The following WWOX variants were observed in gnomAD, a reference collection of about 807,000 sequenced individuals.
The protein encoded by WWOX is WW domain-containing oxidoreductase.
In WWOX, 69 loss-of-function variants were observed where a neutral mutation model predicts 46.2. The observed-to-expected ratio is 1.49, with a 90% CI of 1.23 to 1.82. WWOX has a LOEUF of 1.82. Ranked by LOEUF, WWOX falls within the 40% of genes most tolerant of loss-of-function variation. The probability of loss-of-function intolerance (pLI) is 0.00; values close to 1 mark genes in which losing one functional copy is unlikely to be tolerated. For missense variants in WWOX, 919 were observed against 542.6 expected, an observed-to-expected ratio of 1.69 and a Z score of -6.89; for synonymous variants, 359 against 202.6, an observed-to-expected ratio of 1.77 and a Z score of -6.56.
intron 8 of WWOX, among the ~76,000 whole-genome samples, chr16:78,626,703 G>C (rs2046319694): frequency 1.3e-5 from 2 of 151,974 alleles, no homozygotes; most frequent in African/African-American, 2.4e-5. Flanking sequence ...TGTGGAGTGG[G>C]GATTTAATGT....
intron 8 of WWOX, among the ~76,000 whole-genome samples, chr16:78,590,105 A>G (rs1412152914): frequency 2.0e-5 from 3 of 152,092 alleles, no homozygotes; most frequent in East Asian, 1.9e-4. Context: ...CATATAGGAT[A>G]GGAAAATAGC....
At chr16:78,686,989 T>C (rs1363543169) in intron 8 of WWOX, among the ~76,000 whole-genome samples, 5 of 152,186 alleles carry the variant, frequency 3.3e-5, no homozygotes, top group Non-Finnish European at 7.3e-5. Flanking sequence ...GATCTATATC[T>C]CAGTTTTCCT....
intron 8 of WWOX, among the ~76,000 whole-genome samples, chr16:78,460,725 C>G (rs1044108200): frequency 6.6e-6 from 1 of 152,186 alleles, no homozygotes; most frequent in Non-Finnish European, 1.5e-5. Flanking sequence ...ACATGACATT[C>G]GATCCACGTG....
Position 78,618,247 on chromosome 16 carries a change from G to C in WWOX, c.1056+185495G>C, listed in dbSNP as rs181632389. Among the ~76,000 whole-genome samples the C allele has an allele frequency of 2.0e-3, 303 of 152,302 alleles. 1 individual carries two copies. Among genetic ancestry groups the C allele is most frequent in the Admixed American group, 4.1e-3 (62 of 15,300 alleles). ...CCATCTGAAATGGAAAAGCACTGAC[G>C]CAGTTCTCACTCTGGAGCTTGTTTT... On this transcript the variant is annotated intron_variant, in intron 8 of 8. Coordinates refer to ENST00000566780, the MANE Select transcript of WWOX (RefSeq NM_016373.4).
At chr16:78,352,227 C>T (rs896265232) in intron 5 of WWOX, among the ~76,000 whole-genome samples, 2 of 152,212 alleles carry the variant, frequency 1.3e-5, no homozygotes. Flanking sequence ...TGAAATCTCA[C>T]AAATTAAACA....
chr16:78,758,670 A>G lies in WWOX; in HGVS notation c.1056+325918A>G, dbSNP rs144715037. On this transcript the variant is annotated intron_variant, in intron 8 of 8. Transcript: ENST00000566780. ...GTTAAGAGCTCTGGCTTTGGTTCCAATCGTGTCCCCTTTCCTCCCTGTGTG... is the reference window on the plus strand; with the variant it reads ...GTTAAGAGCTCTGGCTTTGGTTCCAGTCGTGTCCCCTTTCCTCCCTGTGTG... 1.9e-3 allele frequency among the ~76,000 whole-genome samples: 288 copies of G among 152,150 alleles called. 2 individuals carry two copies. The highest frequency in any genetic ancestry group is 5.8e-3 in the African/African-American group (239 of 41,512).
chr16:78,735,781 C>T (rs1417957066), intron 8 of WWOX, among the ~76,000 whole-genome samples: 2 of 151,978 alleles, frequency 1.3e-5, no homozygotes, highest in African/African-American at 2.4e-5. Context: ...GCCCCTGCCC[C>T]CTGCCTTGCT....
chr16:78,782,387 T>C (rs763645278), intron 8 of WWOX, among the ~76,000 whole-genome samples: 2 of 152,190 alleles, frequency 1.3e-5, no homozygotes, highest in African/African-American at 2.4e-5. Flanking sequence ...GATTTCTCTT[T>C]CCCACAATCT....
At chr16:78,782,783 TATGTG>T (rs1208484901) in intron 8 of WWOX, among the ~76,000 whole-genome samples, 1 of 151,972 alleles carries the variant, frequency 6.6e-6, no homozygotes, top group Non-Finnish European at 1.5e-5. Context: ...ATTTTATAAA[TATGTG>T]ATGCAATCAA....
intron 8 of WWOX, chr16:78,551,617 G>A (rs1044388912): frequency 8.5e-5 from 13 of 152,144 alleles, no homozygotes; most frequent in Admixed American, 7.2e-4. Flanking sequence ...GAATACCCTC[G>A]GCGGGAGGCA....
intron 8 of WWOX, among the ~76,000 whole-genome samples, chr16:79,036,475 A>G (rs1471850111): frequency 6.6e-6 from 1 of 152,232 alleles, no homozygotes; most frequent in Admixed American, 6.5e-5. Context: ...GAGGCCTTTG[A>G]CAAACCCTCC....
At chr16:78,250,021 T>G (rs1192396776) in intron 5 of WWOX, among the ~76,000 whole-genome samples, 1 of 152,176 alleles carries the variant, frequency 6.6e-6, no homozygotes, top group African/African-American at 2.4e-5. Context: ...TCCAGACCTG[T>G]GTTCTTAATC....
At chr16:78,471,210 G>A (rs572237236) in intron 8 of WWOX, among the ~76,000 whole-genome samples, 34 of 152,270 alleles carry the variant, frequency 2.2e-4, no homozygotes, top group Admixed American at 1.6e-3. Context: ...ACAATCAGGC[G>A]TGATTCTTCA....
intron 8 of WWOX, among the ~76,000 whole-genome samples, chr16:78,950,798 C>T (rs1040794401): frequency 6.6e-6 from 1 of 152,096 alleles, no homozygotes. Flanking sequence ...CTTTGGAAAA[C>T]TTGAAGGTTG....
At chr16:78,424,102 CTTTTCT>C (rs2083018195) in intron 6 of WWOX, among the ~76,000 whole-genome samples, 1 of 106,074 alleles carries the variant, frequency 9.4e-6, no homozygotes, top group African/African-American at 4.2e-5. Flanking sequence ...CTTTTCTTTT[CTTTTCT>C]TTTTTTTTTT....
intron 8 of WWOX, among the ~76,000 whole-genome samples, chr16:79,191,453 C>T (rs1037956905): frequency 2.0e-5 from 3 of 151,896 alleles, no homozygotes; most frequent in African/African-American, 7.3e-5. Context: ...TTTGCATTTC[C>T]ATACATTTTG....
chr16:79,201,315 T>G (rs1438208935), intron 8 of WWOX, among the ~76,000 whole-genome samples: 1 of 151,554 alleles, frequency 6.6e-6, no homozygotes, highest in African/African-American at 2.4e-5. Context: ...CTTCCCTAGC[T>G]GAATAGAGAG....
chr16:78,591,378 A>G (rs1203434423), intron 8 of WWOX, among the ~76,000 whole-genome samples: 1 of 152,164 alleles, frequency 6.6e-6, no homozygotes, highest in African/African-American at 2.4e-5. Flanking sequence ...TGTTTAGGCC[A>G]TGGAAGAGTA....
In WWOX at chr16:78,465,456, A is replaced by C. The variant is rs62034124; in HGVS notation, c.1056+32704A>C. 5.3e-3 allele frequency among the ~76,000 whole-genome samples: 800 copies of C among 152,328 alleles called. 7 individuals are homozygous for C. The highest frequency in any genetic ancestry group is 0.021 in the South Asian group (99 of 4,826). Reference sequence around the variant, plus strand: ...CGGCCTCCCGAAGTGCTGGGATTACAGGTGTGAGCCACCACACCCAGCCTG... The same window carrying C: ...CGGCCTCCCGAAGTGCTGGGATTACCGGTGTGAGCCACCACACCCAGCCTG... On this transcript the variant is annotated intron_variant, in intron 8 of 8. Transcript: ENST00000566780.
Sources: gnomAD v4.1 joint callset for allele counts (sites outside exome capture counted in the v4.1 genomes callset) on GRCh38, gnomAD v4.1.1 for gene constraint, MANE v1.5 for transcripts, NCBI Gene and HGNC (gene_info 2026-07-23, HGNC 2026-07-21) for gene names.